Variants in EPHB1 observed in about 807,000 individuals in gnomAD.
EPHB1 encodes the protein ephrin type-B receptor 1.
Under a neutral mutation model 94.4 loss-of-function variants are expected in EPHB1, and 30 were observed. That is an observed-to-expected ratio of 0.32 (90% confidence interval 0.24 to 0.43). The LOEUF is 0.43. Among genes scored for constraint, EPHB1 ranks in the 20% least tolerant of loss-of-function variants. EPHB1 has a pLI of 1.00. For missense variants in EPHB1, 1,055 were observed against 1,308.3 expected, an observed-to-expected ratio of 0.81 and a Z score of 2.99; for synonymous variants, 522 against 489.1, an observed-to-expected ratio of 1.07 and a Z score of -0.89.
At chr3:135,235,305 C>T (rs779749122) in intron 12 of EPHB1, among the ~76,000 whole-genome samples, 8 of 152,176 alleles carry the variant, frequency 5.3e-5, no homozygotes, top group Non-Finnish European at 2.9e-5. Flanking sequence ...TGACTTATGT[C>T]GGATTGATCT....
chr3:135,182,713 T>C (rs892309400), intron 10 of EPHB1, among the ~76,000 whole-genome samples: 19 of 152,196 alleles, frequency 1.2e-4, no homozygotes, highest in African/African-American at 4.3e-4. Flanking sequence ...TATGAGAGAA[T>C]GAGATAGTGA....
At chr3:134,809,718 G>A (rs970988016) in intron 1 of EPHB1, among the ~76,000 whole-genome samples, 2 of 152,182 alleles carry the variant, frequency 1.3e-5, no homozygotes, top group Non-Finnish European at 2.9e-5. Context: ...CGTGGATTCT[G>A]AATTATAATG....
At chr3:135,211,928 G>A (rs1242343053) in intron 12 of EPHB1, among the ~76,000 whole-genome samples, 2 of 152,004 alleles carry the variant, frequency 1.3e-5, no homozygotes, top group Non-Finnish European at 2.9e-5. Context: ...TATCATTTTT[G>A]TTCTTTTTTC....
intron 3 of EPHB1, among the ~76,000 whole-genome samples, chr3:134,968,396 A>G (rs183748377): frequency 1.3e-3 from 205 of 152,336 alleles, no homozygotes; most frequent in African/African-American, 4.8e-3. Flanking sequence ...AATATCAAGA[A>G]GGCTTAGACA....
At chr3:135,027,075 A>T (rs1420336758) in intron 3 of EPHB1, among the ~76,000 whole-genome samples, 2 of 144,956 alleles carry the variant, frequency 1.4e-5, no homozygotes, top group Non-Finnish European at 3.0e-5. Context: ...GTATCCTGAG[A>T]CTTTGCTGAA....
chr3:135,181,010 C>G (rs1168911736), intron 10 of EPHB1, among the ~76,000 whole-genome samples: 1 of 152,074 alleles, frequency 6.6e-6, no homozygotes, highest in Non-Finnish European at 1.5e-5. Context: ...TATTTTAACT[C>G]AATAAAATAT....
intron 1 of EPHB1, among the ~76,000 whole-genome samples, chr3:134,892,969 G>A (rs1217596492): frequency 1.3e-5 from 2 of 152,100 alleles, no homozygotes; most frequent in African/African-American, 4.8e-5. Flanking sequence ...TGCAAACAGA[G>A]GATGCATCCT....
intron 3 of EPHB1, among the ~76,000 whole-genome samples, chr3:135,029,538 G>A (rs769559557): frequency 6.7e-6 from 1 of 148,730 alleles, no homozygotes; most frequent in African/African-American, 2.5e-5. Flanking sequence ...CTTTAAGAAT[G>A]TTGAATATTG....
At chr3:135,068,093 A>G (rs1470653439) in intron 3 of EPHB1, among the ~76,000 whole-genome samples, 1 of 152,076 alleles carries the variant, frequency 6.6e-6, no homozygotes, top group Non-Finnish European at 1.5e-5. Context: ...CACTTCCTTC[A>G]GAGGGTCTGT....
At chr3:134,969,330 C>G (rs7637367) in intron 3 of EPHB1, among the ~76,000 whole-genome samples, 75,582 of 152,044 alleles carry the variant, frequency 0.5, 19,687 homozygotes, top group African/African-American at 0.64. Flanking sequence ...TGAAGTGTCT[C>G]TTCTAGGTTT....
intron 3 of EPHB1, among the ~76,000 whole-genome samples, chr3:134,968,529 G>A (rs1029237831): frequency 2.0e-5 from 3 of 152,018 alleles, no homozygotes; most frequent in Admixed American, 1.3e-4. Context: ...AGATTAAATT[G>A]GTTTTTGTTA....
intron 1 of EPHB1, among the ~76,000 whole-genome samples, chr3:134,924,436 A>G (rs1217642754): frequency 6.6e-6 from 1 of 152,250 alleles, no homozygotes; most frequent in African/African-American, 2.4e-5. Context: ...AAAGATTTGA[A>G]TAGACACTTC....
At chr3:135,063,335 A>G (rs1457510191) in intron 3 of EPHB1, among the ~76,000 whole-genome samples, 1 of 152,002 alleles carries the variant, frequency 6.6e-6, no homozygotes, top group Non-Finnish European at 1.5e-5. Context: ...ATGTGTTTCC[A>G]TTTGTTTGTG....
At chr3:135,052,344 G>A (rs6800189) in intron 3 of EPHB1, among the ~76,000 whole-genome samples, 17,476 of 152,128 alleles carry the variant, frequency 0.11, 2,098 homozygotes, top group African/African-American at 0.31. Context: ...GGTCTCTTGA[G>A]TTTGAATATC....
chr3:134,975,531 C>A (rs1048420258), intron 3 of EPHB1, among the ~76,000 whole-genome samples: 1 of 152,138 alleles, frequency 6.6e-6, no homozygotes, highest in African/African-American at 2.4e-5. Context: ...AGGACTGTCT[C>A]CCCTAGCCCC....
At chr3:135,100,233 T>A (rs2107796132) in intron 3 of EPHB1, among the ~76,000 whole-genome samples, 1 of 152,250 alleles carries the variant, frequency 6.6e-6, no homozygotes, top group Non-Finnish European at 1.5e-5. Flanking sequence ...AGTTAAGCTC[T>A]CCCACATTTA....
At chr3:135,151,315 T>C (rs1231237241) in intron 5 of EPHB1, among the ~76,000 whole-genome samples, 1 of 152,066 alleles carries the variant, frequency 6.6e-6, no homozygotes, top group Non-Finnish European at 1.5e-5. Context: ...TGTGGACTCC[T>C]CTCTTCTGGG....
chr3:134,825,226 C>T (rs936341824), intron 1 of EPHB1, among the ~76,000 whole-genome samples: 1 of 152,174 alleles, frequency 6.6e-6, no homozygotes, highest in Non-Finnish European at 1.5e-5. Context: ...GAATCCTGCC[C>T]TAAAGGAGGC....
chr3:134,957,301 C>T (rs1933314197), intron 3 of EPHB1, among the ~76,000 whole-genome samples: 1 of 152,100 alleles, frequency 6.6e-6, no homozygotes, highest in African/African-American at 2.4e-5. Context: ...AGACCAGGAC[C>T]ATGTATGTGA....
Sources: gnomAD v4.1 joint callset for allele counts (sites outside exome capture counted in the v4.1 genomes callset) on GRCh38, gnomAD v4.1.1 for gene constraint, MANE v1.5 for transcripts, NCBI Gene and HGNC (gene_info 2026-07-23, HGNC 2026-07-21) for gene names.